The following CREB5 variants were observed in gnomAD, a reference collection of about 807,000 sequenced individuals.
The protein encoded by CREB5 is cyclic AMP-responsive element-binding protein 5.
A neutral mutation model predicts 57.1 loss-of-function variants in CREB5; 19 were observed. The observed-to-expected ratio is 0.33, with a 90% CI of 0.23 to 0.49. The LOEUF (loss-of-function observed/expected upper bound fraction) is 0.49. Ranked by LOEUF, CREB5 falls within the 20% of genes least tolerant of loss-of-function variation. The pLI, the probability that CREB5 is intolerant of heterozygous loss-of-function variation, is 0.99. For synonymous variants in CREB5, 238 were observed against 238.3 expected (o/e 1.00, Z 0.01); for missense variants, 579 against 671.6 (o/e 0.86, Z 1.52).
chr7:28,593,246 TTTTTA>T (rs758993545), intron 5 of CREB5, among the ~76,000 whole-genome samples: 15 of 152,128 alleles, frequency 9.9e-5, no homozygotes, highest in African/African-American at 1.4e-4. Context: ...TTTTAAAAGA[TTTTTA>T]TTTTATTTTA....
chr7:28,768,365 T>C (rs571662973), intron 7 of CREB5, among the ~76,000 whole-genome samples: 11 of 152,310 alleles, frequency 7.2e-5, no homozygotes, highest in African/African-American at 2.4e-4. Flanking sequence ...GATGAAGTTC[T>C]TGGGGGAATA....
At chr7:28,369,444 G>A (rs899127730) in intron 1 of CREB5, among the ~76,000 whole-genome samples, 2 of 151,926 alleles carry the variant, frequency 1.3e-5, no homozygotes, top group African/African-American at 4.8e-5. Flanking sequence ...TGAGCTGTCA[G>A]TGTCCAGCTC....
At chr7:28,501,059 C>G (rs1019356778) in intron 3 of CREB5, among the ~76,000 whole-genome samples, 1 of 152,158 alleles carries the variant, frequency 6.6e-6, no homozygotes, top group African/African-American at 2.4e-5. Flanking sequence ...GTCATTTAAT[C>G]CTTACCACTT....
chr7:28,693,411 A>C (rs970755181), intron 5 of CREB5, among the ~76,000 whole-genome samples: 2 of 152,104 alleles, frequency 1.3e-5, no homozygotes, highest in African/African-American at 4.8e-5. Context: ...GTTGGGCTGC[A>C]CCCATGTGCT....
intron 1 of CREB5, among the ~76,000 whole-genome samples, chr7:28,404,783 A>G (rs60324668): frequency 6.6e-6 from 1 of 152,080 alleles, no homozygotes; most frequent in Non-Finnish European, 1.5e-5. Context: ...TTTCCTACTC[A>G]CTGCCAATCT....
intron 5 of CREB5, chr7:28,615,413 G>A (rs1177475504): frequency 1.3e-5 from 2 of 152,402 alleles, no homozygotes; most frequent in Non-Finnish European, 2.9e-5. Flanking sequence ...GAGCCACGGA[G>A]GCCAGTCACC....
intron 5 of CREB5, among the ~76,000 whole-genome samples, chr7:28,620,973 A>C (rs944822264): frequency 6.6e-6 from 1 of 152,292 alleles, no homozygotes; most frequent in Admixed American, 6.5e-5. Context: ...TTGGAATTGA[A>C]TGCTAATCCA....
chr7:28,451,583 T>G (rs1789815355), intron 1 of CREB5, among the ~76,000 whole-genome samples: 1 of 152,050 alleles, frequency 6.6e-6, no homozygotes, highest in African/African-American at 2.4e-5. Flanking sequence ...AATAGCGTGT[T>G]TTGAATCTGC....
chr7:28,666,433 C>T (rs1045509623), intron 5 of CREB5, among the ~76,000 whole-genome samples: 1 of 152,202 alleles, frequency 6.6e-6, no homozygotes, highest in African/African-American at 2.4e-5. Context: ...GGGTAGTTCC[C>T]TGACTTGAGT....
chr7:28,772,281 GT>G (rs781544947), intron 7 of CREB5, among the ~76,000 whole-genome samples: 20 of 152,170 alleles, frequency 1.3e-4, no homozygotes, highest in Non-Finnish European at 2.5e-4. Context: ...ACCGCTGGAA[GT>G]TGGGGCAAAA....
chr7:28,514,771 T>C (rs987284721), intron 4 of CREB5, among the ~76,000 whole-genome samples: 1 of 152,214 alleles, frequency 6.6e-6, no homozygotes, highest in African/African-American at 2.4e-5. Flanking sequence ...GATGTCTTCT[T>C]GAGAACTGGC....
chr7:28,486,187 A>G (rs1312245893), intron 1 of CREB5, among the ~76,000 whole-genome samples: 6 of 152,132 alleles, frequency 3.9e-5, no homozygotes, highest in Admixed American at 3.9e-4. Context: ...TTTCCTTTAT[A>G]TTGCTTTAAA....
At chr7:28,313,406 T>C (rs1762326372) in intron 1 of CREB5, among the ~76,000 whole-genome samples, 1 of 152,222 alleles carries the variant, frequency 6.6e-6, no homozygotes, top group Admixed American at 6.5e-5. Flanking sequence ...TAAATTTTAT[T>C]CATCATAGTT....
chr7:28,657,368 G>T (rs1799371224), intron 5 of CREB5, among the ~76,000 whole-genome samples: 1 of 152,068 alleles, frequency 6.6e-6, no homozygotes, highest in South Asian at 2.1e-4. Context: ...TCGATCCTCA[G>T]TTCCCCTTGC....
chr7:28,590,381 A>T (rs1241610476), intron 5 of CREB5, among the ~76,000 whole-genome samples: 1 of 151,840 alleles, frequency 6.6e-6, no homozygotes, highest in African/African-American at 2.4e-5. Context: ...CTTTGTAGGG[A>T]CATGGATGAA....
At chr7:28,325,454 C>CA (rs59632895) in intron 1 of CREB5, among the ~76,000 whole-genome samples, 479 of 135,690 alleles carry the variant, frequency 3.5e-3, no homozygotes, top group East Asian at 0.023. Flanking sequence ...GACTCCATCT[C>CA]AAAAAAAAAA....
chr7:28,794,738 GCA>G (rs150983811), intron 7 of CREB5, among the ~76,000 whole-genome samples: 5 of 149,100 alleles, frequency 3.4e-5, no homozygotes, highest in Non-Finnish European at 4.5e-5. Flanking sequence ...GTGCATACCT[GCA>G]CACACACACA....
chr7:28,435,520 G>A (rs751867951), intron 1 of CREB5: 4 of 478,128 alleles, frequency 8.4e-6, no homozygotes, highest in Non-Finnish European at 1.1e-5. Flanking sequence ...ATATGAATGA[G>A]GGCCATATAA....
chr7:28,510,539 C>G (rs1185724186), intron 4 of CREB5, among the ~76,000 whole-genome samples: 1 of 152,220 alleles, frequency 6.6e-6, no homozygotes, highest in African/African-American at 2.4e-5. Context: ...TTTAAAACTT[C>G]TAGCTGCAGT....
Sources: gnomAD v4.1 joint callset for allele counts (sites outside exome capture counted in the v4.1 genomes callset) on GRCh38, gnomAD v4.1.1 for gene constraint, MANE v1.5 for transcripts, NCBI Gene and HGNC (gene_info 2026-07-23, HGNC 2026-07-21) for gene names.